The following ASS1 variants were observed in gnomAD, a reference collection of about 807,000 sequenced individuals.
ASS1 encodes argininosuccinate synthase.
ASS1 carries 58 observed loss-of-function variants against 60.5 expected under a neutral mutation model. The ratio of observed to expected loss-of-function variants is 0.96; its 90% confidence interval spans 0.78 to 1.19. The LOEUF (loss-of-function observed/expected upper bound fraction) is 1.19, where lower values mean the gene tolerates loss of function less well. ASS1 is among the 50% of genes most tolerant of loss of function. The pLI, the probability that ASS1 is intolerant of heterozygous loss-of-function variation, is 0.00. For missense variants in ASS1, 454 were observed against 547.3 expected (o/e 0.83, Z 1.70); for synonymous variants, 200 against 206.9 (o/e 0.97, Z 0.29).
chr9:130,492,229 G>C (rs1257549443), intron 12 of ASS1, among the ~76,000 whole-genome samples: 1 of 152,210 alleles, frequency 6.6e-6, no homozygotes, highest in African/African-American at 2.4e-5. Context: ...GAGCAGGGCT[G>C]TCTCTTCCTT....
At chr9:130,473,957 A>G (rs1346028207) in intron 8 of ASS1, among the ~76,000 whole-genome samples, 8 of 149,226 alleles carry the variant, frequency 5.4e-5, no homozygotes, top group Admixed American at 4.7e-4. Context: ...TTTGCTTCCA[A>G]TTTCTCCTTC....
At chr9:130,500,869 TAACA>T in intron 14 of ASS1, 103 bp from the exon 15 acceptor site, 1 of 1,253,214 alleles carries the variant, frequency 8.0e-7, no homozygotes, top group East Asian at 2.4e-5. Flanking sequence ...ACACACATCT[TAACA>T]AACAGCTGCC....
Position 130,477,956 on chromosome 9 carries a change from G to A in ASS1, c.688+995G>A, listed in dbSNP as rs1846065761. Among the ~76,000 whole-genome samples, 1 of 152,116 alleles carries A rather than the reference G, an allele frequency of 6.6e-6. No individual in the cohort carries two copies. The highest frequency in any genetic ancestry group is 2.4e-5 in the African/African-American group (1 of 41,424). On this transcript the variant is annotated intron_variant, in intron 9 of 14. Coordinates refer to ENST00000352480, the MANE Select transcript of ASS1 (RefSeq NM_054012.4). This position sits in a 1 kb window ranked among gnomAD's most constrained non-coding sequence, Gnocchi z 4.2. ...TGGGGAAGCCTCAGGCCGGTGGGGA[G>A]GCAGAGCTGCAGATCCCCCTCTCCC...
intron 8 of ASS1, among the ~76,000 whole-genome samples, chr9:130,474,031 CTCTT>C (rs1213484722): frequency 1.1e-5 from 1 of 91,578 alleles, no homozygotes; most frequent in Non-Finnish European, 2.2e-5. Flanking sequence ...CTCTCTCTCT[CTCTT>C]TTTCTTCACT....
Position 130,494,976 on chromosome 9 carries a change from C to A in ASS1, c.1080C>A (p.Ile360=). The A allele has an allele frequency of 6.2e-7, 1 of 1,613,520 alleles. No homozygotes were observed. The highest frequency in any genetic ancestry group is 2.2e-5 in the East Asian group (1 of 44,872). ...CCGTCCTCAAGGGCCAGGTGTACAT[C>A]CTCGGCCGGGAGTCCCCACTGTCTC... ...QVSVLKGQVY[I]LGRESPLSLY... The change falls in exon 13 of 15, where the codon ATC becomes ATA. Residue 360 remains isoleucine (I), a synonymous_variant. Coordinates refer to ENST00000352480, the MANE Select transcript of ASS1 (RefSeq NM_054012.4). The surrounding 1 kb of genome is among the most constrained non-coding windows in gnomAD (Gnocchi z 4.3).
At chr9:130,471,580 G>A (rs2131887263) in intron 8 of ASS1, 65 bp downstream of exon 8, 1 of 1,547,920 alleles carries the variant, frequency 6.5e-7, no homozygotes. Context: ...CCATGCCGAT[G>A]CTGTCTGATG....
At chr9:130,460,025 C>T (rs1434990898) in intron 4 of ASS1, among the ~76,000 whole-genome samples, 1 of 152,212 alleles carries the variant, frequency 6.6e-6, no homozygotes, top group Non-Finnish European at 1.5e-5. Flanking sequence ...AGTCAGCGGA[C>T]AGCATGCCAA....
intron 6 of ASS1, among the ~76,000 whole-genome samples, chr9:130,467,653 G>A (rs1263208796): frequency 6.6e-6 from 1 of 152,134 alleles, no homozygotes; most frequent in Non-Finnish European, 1.5e-5. Context: ...TATTAAGAGG[G>A]GAGTTTACAA....
At chr9:130,483,756 C>T (rs1350647899) in intron 11 of ASS1, among the ~76,000 whole-genome samples, 2 of 151,652 alleles carry the variant, frequency 1.3e-5, no homozygotes, top group Non-Finnish European at 2.9e-5. Context: ...TCCTCCTTGC[C>T]TTCCTTTCCT....
chr9:130,486,712 T>A (rs1205219331), intron 11 of ASS1, among the ~76,000 whole-genome samples: 1 of 152,140 alleles, frequency 6.6e-6, no homozygotes, highest in South Asian at 2.1e-4. Flanking sequence ...GATGGGCTCT[T>A]TCACAGCACA....
At chr9:130,449,342 GAAAAA>G (rs55853169) in intron 1 of ASS1, among the ~76,000 whole-genome samples, 1 of 91,522 alleles carries the variant, frequency 1.1e-5, no homozygotes, top group Non-Finnish European at 2.0e-5. Context: ...GACCCTGTCT[GAAAAA>G]AAAAAAAAAA....
chr9:130,453,893 T>A (rs1845379023), intron 2 of ASS1, among the ~76,000 whole-genome samples: 1 of 152,196 alleles, frequency 6.6e-6, no homozygotes, highest in Non-Finnish European at 1.5e-5. Context: ...GGCCTTTGAC[T>A]AGGGAGGAGA....
At chr9:130,448,035 G>A (rs1845234507) in intron 1 of ASS1, among the ~76,000 whole-genome samples, 1 of 151,904 alleles carries the variant, frequency 6.6e-6, no homozygotes, top group African/African-American at 2.4e-5. Context: ...CTTGACCTCT[G>A]TCCTGTGCCT....
intron 9 of ASS1, among the ~76,000 whole-genome samples, chr9:130,479,041 A>G (rs2118837506): frequency 6.6e-6 from 1 of 152,158 alleles, no homozygotes; most frequent in African/African-American, 2.4e-5. Flanking sequence ...TTTATTGCTC[A>G]TTTCACACCG....
intron 1 of ASS1, among the ~76,000 whole-genome samples, chr9:130,448,220 A>G (rs897777809): frequency 2.6e-5 from 4 of 152,000 alleles, no homozygotes; most frequent in African/African-American, 9.7e-5. Context: ...GGCAGGAGCA[A>G]CGCTGCTGTC....
intron 8 of ASS1, among the ~76,000 whole-genome samples, chr9:130,475,763 G>A (rs1181923901): frequency 7.6e-6 from 1 of 130,748 alleles, no homozygotes; most frequent in East Asian, 2.3e-4. Context: ...TTTTTTTTTG[G>A]TGGGGGGGTG....
rs1845836207 is a variant in ASS1, at chr9:130,470,290, C to T, written c.496-544C>T. On this transcript the variant is annotated intron_variant, in intron 6 of 14. Coordinates refer to ENST00000352480, the MANE Select transcript of ASS1 (RefSeq NM_054012.4). This position sits in a 1 kb window ranked among gnomAD's most constrained non-coding sequence, Gnocchi z 4.3. ...TGGAGACGGGATCTGCTGGGTGTTC[C>T]CCTTCTAGGGTCTGCAGAGTGATGT... 6.6e-6 allele frequency among the ~76,000 whole-genome samples: 1 copy of T among 152,178 alleles called. No individual in the cohort carries two copies.
At position 130,499,686 on chromosome 9, in the gene ASS1, C is replaced by T. The variant is rs896036823; in HGVS notation, c.1193+116C>T. 1.4e-5 allele frequency: 14 copies of T among 997,574 alleles called. 1 individual carries two copies. The highest frequency in any genetic ancestry group is 2.1e-4 in the Middle Eastern group (1 of 4,868). The allele number at this position is 997,574 out of a possible 1,614,324, so 61.8% of individuals were successfully genotyped here. ...ATGCGACCTTGACTGCTGCCCTGCC[C>T]TGCCCTGCCCTGCCCTAGACAAACC... On this transcript the variant is annotated intron_variant, in intron 14 of 14. Coordinates refer to ENST00000352480, the MANE Select transcript of ASS1 (RefSeq NM_054012.4).
intron 5 of ASS1, among the ~76,000 whole-genome samples, chr9:130,465,299 G>A (rs983161419): frequency 2.0e-5 from 3 of 151,874 alleles, no homozygotes; most frequent in East Asian, 1.9e-4. Flanking sequence ...GATTACAGGC[G>A]TGAGCCACTG....
Sources: allele counts gnomAD v4.1 joint callset (sites outside exome capture counted in the v4.1 genomes callset), GRCh38; gene constraint gnomAD v4.1.1; non-coding constraint Gnocchi (gnomAD v3.1); transcripts MANE v1.5; gene names NCBI Gene and HGNC (gene_info 2026-07-23, HGNC 2026-07-21).